The following MED4 variants were observed in gnomAD, a reference collection of about 807,000 sequenced individuals.
MED4 encodes mediator complex subunit 4.
A neutral mutation model predicts 35.0 loss-of-function variants in MED4; 21 were observed. The observed-to-expected ratio is 0.60, with a 90% CI of 0.43 to 0.86. The LOEUF (loss-of-function observed/expected upper bound fraction) is 0.86. Among genes scored for constraint, MED4 ranks in the 40% least tolerant of loss-of-function variants. MED4 has a pLI of 0.00. For missense variants in MED4, 300 were observed against 319.4 expected, an observed-to-expected ratio of 0.94 and a Z score of 0.46; for synonymous variants, 138 against 114.0, an observed-to-expected ratio of 1.21 and a Z score of -1.34.
At chr13:48,092,762 G>T (rs115100199) in intron 1 of MED4, among the ~76,000 whole-genome samples, 2 of 152,198 alleles carry the variant, frequency 1.3e-5, no homozygotes, top group Admixed American at 1.3e-4. Flanking sequence ...GACATAGACG[G>T]TTGAGAACCT....
chr13:48,077,468 G>A (rs1411123073), intron 6 of MED4, 157 bp from the exon 7 acceptor site: 2 of 573,948 alleles, frequency 3.5e-6, no homozygotes, highest in Non-Finnish European at 5.6e-6. Flanking sequence ...CCAGGCTTGA[G>A]TGCAGTGGCA....
chr13:48,094,622 T>G (rs1049364034), intron 1 of MED4, among the ~76,000 whole-genome samples: 12 of 152,090 alleles, frequency 7.9e-5, no homozygotes, highest in African/African-American at 2.9e-4. Flanking sequence ...TGTCTCTCTC[T>G]CGACAGCTGG....
chr13:48,090,528 G>C (rs1397096399), intron 1 of MED4, 110 bp from the exon 2 acceptor site: 2 of 731,342 alleles, frequency 2.7e-6, no homozygotes, highest in South Asian at 5.0e-5. Flanking sequence ...ACCAAGACTC[G>C]CTTGTGCCGG....
At chr13:48,078,772 G>A (rs1389276662) in intron 6 of MED4, among the ~76,000 whole-genome samples, 1 of 152,076 alleles carries the variant, frequency 6.6e-6, no homozygotes, top group Non-Finnish European at 1.5e-5. Context: ...TGAGAAATAT[G>A]AGGTGATATC....
chr13:48,078,285 AT>A (rs1256510450), intron 6 of MED4, among the ~76,000 whole-genome samples: 1 of 141,880 alleles, frequency 7.0e-6, no homozygotes, highest in Non-Finnish European at 1.5e-5. Flanking sequence ...CCCTGAAACC[AT>A]TTCTCCTTTG....
chr13:48,094,722 G>A (rs1050581895), intron 1 of MED4, among the ~76,000 whole-genome samples: 17 of 152,136 alleles, frequency 1.1e-4, no homozygotes, highest in Admixed American at 2.0e-4. Flanking sequence ...CGGACGAAGA[G>A]GCTCAGACCG....
intron 6 of MED4, among the ~76,000 whole-genome samples, chr13:48,079,296 A>G (rs1950786535): frequency 6.6e-6 from 1 of 152,222 alleles, no homozygotes. Context: ...CTATGTTTAG[A>G]GCAATAATTT....
chr13:48,077,347 T>A, intron 6 of MED4, 36 bp from the exon 7 acceptor site: 1 of 1,379,812 alleles, frequency 7.2e-7, no homozygotes, highest in Non-Finnish European at 9.5e-7. Context: ...AGAACAGCTC[T>A]ATCTGTAATT....
intron 5 of MED4, among the ~76,000 whole-genome samples, chr13:48,080,910 A>C (rs1950803763): frequency 6.6e-6 from 1 of 152,222 alleles, no homozygotes; most frequent in Non-Finnish European, 1.5e-5. Flanking sequence ...CCCAAACATG[A>C]AAGCACACTA....
chr13:48,084,220 A>G (rs1950832364), intron 3 of MED4, among the ~76,000 whole-genome samples: 1 of 146,680 alleles, frequency 6.8e-6, no homozygotes, highest in South Asian at 2.1e-4. Flanking sequence ...AGACTGTGCC[A>G]TCGCACTCTG....
At chr13:48,087,140 C>T (rs747947102) in intron 2 of MED4, among the ~76,000 whole-genome samples, 4 of 151,526 alleles carry the variant, frequency 2.6e-5, no homozygotes, top group African/African-American at 4.9e-5. Flanking sequence ...CCGAGGCAGG[C>T]GAATCACCAG....
chr13:48,078,517 G>C (rs1251430931), intron 6 of MED4, among the ~76,000 whole-genome samples: 4 of 152,160 alleles, frequency 2.6e-5, no homozygotes, highest in Admixed American at 6.5e-5. Flanking sequence ...CAGCTTCCCA[G>C]CAAGTCTCCC....
In MED4 at chr13:48,088,308, G is replaced by A. The variant is rs879592943; in HGVS notation, c.193-1856C>T. ...ATTTGTTGAAGACTAAAAAGTACAG[G>A]TATGCCTCTTCAAGATCCTTTTGAC... On this transcript the variant is annotated intron_variant, in intron 2 of 6. Coordinates refer to ENST00000258648, the MANE Select transcript of MED4 (RefSeq NM_014166.4). 5.3e-5 allele frequency among the ~76,000 whole-genome samples: 8 copies of A among 152,140 alleles called. No individual in the cohort carries two copies. In the South Asian group the frequency reaches 6.2e-4, roughly 12 times the overall value.
chr13:48,084,265 C>CAA (rs71099664), intron 3 of MED4, among the ~76,000 whole-genome samples: 19 of 109,952 alleles, frequency 1.7e-4, no homozygotes, highest in African/African-American at 6.5e-4. Flanking sequence ...GACTCTGTCT[C>CAA]AAAAAAAAAA....
intron 3 of MED4, among the ~76,000 whole-genome samples, chr13:48,085,458 T>C (rs576792931): frequency 6.6e-6 from 1 of 152,326 alleles, no homozygotes; most frequent in Non-Finnish European, 1.5e-5. Context: ...CCCAAAGCCC[T>C]GGGATTACAG....
intron 2 of MED4, among the ~76,000 whole-genome samples, chr13:48,087,535 T>A (rs1950859728): frequency 6.6e-6 from 1 of 151,432 alleles, no homozygotes; most frequent in African/African-American, 2.4e-5. Flanking sequence ...CAGTATTGTT[T>A]ACAATGAAGA....
intron 4 of MED4, among the ~76,000 whole-genome samples, chr13:48,082,247 T>C (rs1473295669): frequency 6.6e-6 from 1 of 152,122 alleles, no homozygotes; most frequent in Non-Finnish European, 1.5e-5. Context: ...TCAAAATGTA[T>C]GTACATATGT....
At chr13:48,085,259 C>A (rs1229975475) in intron 3 of MED4, among the ~76,000 whole-genome samples, 2 of 150,768 alleles carry the variant, frequency 1.3e-5, no homozygotes, top group Non-Finnish European at 2.9e-5. Context: ...GCAACCTATG[C>A]CTCCCAGGTT....
Position 48,086,362 on chromosome 13 carries a change from C to T in MED4, c.283G>A (p.Val95Ile). 1 of 1,613,652 alleles carries T rather than the reference C, an allele frequency of 6.2e-7. No individual in the cohort carries two copies. Among genetic ancestry groups the T allele is most frequent in the East Asian group, 2.2e-5 (1 of 44,782 alleles). The change falls in exon 3 of 7, where the codon GTT becomes ATT. Residue 95 changes from valine (V) to isoleucine (I), a missense_variant. Val to Ile is a conservative substitution (Grantham distance 29). Coordinates refer to ENST00000258648, the MANE Select transcript of MED4 (RefSeq NM_014166.4). ...CTCTTCTCTACTTCTTTTTCTAAAA[C>T]TTGCATTTCATGATGAATTTTTCCC... ...NQGKIHHEMQ[V>I]LEKEVEKRDS... is the part of the protein sequence containing the mutation.
Sources: gnomAD v4.1 joint callset for allele counts (sites outside exome capture counted in the v4.1 genomes callset) on GRCh38, gnomAD v4.1.1 for gene constraint, MANE v1.5 for transcripts, NCBI Gene and HGNC (gene_info 2026-07-23, HGNC 2026-07-21) for gene names.